TATDN2: variants seen among roughly 807,000 people sequenced by gnomAD.
TATDN2 encodes the protein TatD DNase domain containing 2, also known as 3'-5' RNA nuclease TATDN2.
TATDN2 carries 44 observed loss-of-function variants against 60.3 expected under a neutral mutation model. The ratio of observed to expected loss-of-function variants is 0.73; its 90% CI spans 0.57 to 0.94. The LOEUF (loss-of-function observed/expected upper bound fraction) is 0.94, where lower values mean the gene tolerates loss of function less well. Ranked by LOEUF, TATDN2 falls within the 40% of genes least tolerant of loss-of-function variation. The pLI is 0.00. For missense variants in TATDN2, 997 were observed against 948.0 expected, an observed-to-expected ratio of 1.05 and a Z score of -0.68; for synonymous variants, 399 against 355.8, an observed-to-expected ratio of 1.12 and a Z score of -1.37.
chr3:10,250,324 T>C (rs76595141), intron 2 of TATDN2, among the ~76,000 whole-genome samples: 3,000 of 152,062 alleles, frequency 0.02, 87 homozygotes, highest in African/African-American at 0.068. Context: ...TGAACAAATA[T>C]GTGTTGAGGG....
chr3:10,258,211 TATG>T (rs1392100083), intron 2 of TATDN2, among the ~76,000 whole-genome samples: 1 of 151,916 alleles, frequency 6.6e-6, no homozygotes. Context: ...TAAAAAAAAA[TATG>T]ATGTGCTCTT....
intron 5 of TATDN2, among the ~76,000 whole-genome samples, chr3:10,276,693 A>G (rs964264488): frequency 6.6e-6 from 1 of 152,028 alleles, no homozygotes; most frequent in East Asian, 1.9e-4. Flanking sequence ...GGTTCAAACA[A>G]TTCTCCTGCC....
intron 2 of TATDN2, among the ~76,000 whole-genome samples, chr3:10,251,750 A>G (rs1698235047): frequency 6.6e-6 from 1 of 152,116 alleles, no homozygotes; most frequent in Non-Finnish European, 1.5e-5. Context: ...GCTGAAGTGC[A>G]GTGGCGCAAT....
chr3:10,274,464 T>C (rs1034263909), intron 4 of TATDN2, among the ~76,000 whole-genome samples: 1 of 152,222 alleles, frequency 6.6e-6, no homozygotes, highest in Non-Finnish European at 1.5e-5. Context: ...CAGCTATACT[T>C]TGAAAAATGT....
intron 4 of TATDN2, among the ~76,000 whole-genome samples, chr3:10,274,137 G>GT (rs1698603135): frequency 6.6e-6 from 1 of 152,146 alleles, no homozygotes; most frequent in African/African-American, 2.4e-5. Flanking sequence ...CACTCCTGTT[G>GT]TTTTTCAGCT....
chr3:10,249,253 G>T lies in TATDN2; in HGVS notation c.53G>T (p.Gly18Val), dbSNP rs747970348. The change falls in exon 2 of 8, where the codon GGG becomes GTG. Residue 18 changes from glycine to valine, a missense_variant. Transcript: ENST00000448281. Reference protein sequence around the residue: ...VKHNWSSTSEGCPRKRSCLRE... With the variant: ...VKHNWSSTSEVCPRKRSCLRE... ...CACAACTGGAGCAGCACGTCGGAAGGGTGTCCCCGCAAGCGCAGCTGCCTC... is the reference window on the plus strand; with the variant it reads ...CACAACTGGAGCAGCACGTCGGAAGTGTGTCCCCGCAAGCGCAGCTGCCTC... 8.9e-6 allele frequency: 14 copies of T among 1,568,388 alleles called. No homozygotes were observed. The highest frequency in any genetic ancestry group is 2.7e-5 in the African/African-American group (2 of 73,588).
At chr3:10,256,072 C>G (rs538109686) in intron 2 of TATDN2, among the ~76,000 whole-genome samples, 27 of 152,336 alleles carry the variant, frequency 1.8e-4, no homozygotes, top group Non-Finnish European at 2.6e-4. Flanking sequence ...CTCTAACATA[C>G]ATATTTCACT....
chr3:10,264,809 G>T (rs1698453530), intron 3 of TATDN2, among the ~76,000 whole-genome samples: 2 of 151,740 alleles, frequency 1.3e-5, no homozygotes, highest in African/African-American at 4.8e-5. Flanking sequence ...CCCCTGAATT[G>T]CTGGGACTAT....
intron 5 of TATDN2, among the ~76,000 whole-genome samples, chr3:10,277,177 C>T (rs1245725977): frequency 6.6e-6 from 1 of 152,092 alleles, no homozygotes; most frequent in African/African-American, 2.4e-5. Flanking sequence ...CATTTTCTTT[C>T]CTCTTTTGAA....
rs776045561 is a variant in TATDN2 at position 10,249,200 on chromosome 3, C to T, written c.-1C>T. On this transcript the variant is annotated 5_prime_UTR_variant, in exon 2 of 8. Coordinates refer to ENST00000448281, the MANE Select transcript of TATDN2 (RefSeq NM_014760.4). The stretch of plus-strand genomic sequence containing the variant: ...AGGCCCCCTGTACCTTGCAGGTGCC[C>T]ATGGCGTCCGAGCGGGGCAAGGTCA... 1 of 1,511,252 alleles carries T rather than the reference C, an allele frequency of 6.6e-7. No individual in the cohort carries two copies. Among genetic ancestry groups the T allele is most frequent in the Non-Finnish European group, 8.9e-7 (1 of 1,128,652 alleles). 93.6% of individuals were successfully genotyped at this position (1,511,252 alleles called of 1,614,324 possible). A position where few individuals can be genotyped will look rare whatever the true frequency, so the allele number is the denominator to read the frequency against.
At chr3:10,262,527 C>T (rs1237807133) in intron 3 of TATDN2, among the ~76,000 whole-genome samples, 110 of 59,916 alleles carry the variant, frequency 1.8e-3, no homozygotes, top group Admixed American at 3.4e-3. Context: ...TTCTTCTGGG[C>T]TTTTTTTTTT....
chr3:10,249,015 G>T lies in TATDN2; in HGVS notation c.-59G>T. 1.6e-6 allele frequency: 1 copy of T among 609,450 alleles called. No individual in the cohort carries two copies. Among genetic ancestry groups the T allele is most frequent in the Non-Finnish European group, 2.4e-6 (1 of 410,378 alleles). The allele number at this position is 609,450 out of a possible 1,614,324, so 37.8% of individuals were successfully genotyped here. ...CGCTTTGACTTCTCCAACACGGTTT[G>T]GCATCTCTGAAACCTTGAGAACTGT... On this transcript the variant is annotated 5_prime_UTR_variant, in exon 1 of 8. Coordinates refer to ENST00000448281, the MANE Select transcript of TATDN2 (RefSeq NM_014760.4).
At chr3:10,271,470 C>T (rs767951384) in intron 4 of TATDN2, among the ~76,000 whole-genome samples, 1 of 151,652 alleles carries the variant, frequency 6.6e-6, no homozygotes, top group African/African-American at 2.4e-5. Flanking sequence ...TGCATCACTA[C>T]ACCCGGCTAA....
rs778063949 is a variant in TATDN2 at position 10,249,596 on chromosome 3, G to A, written c.396G>A (p.Glu132=). The change falls in exon 2 of 8, where the codon GAG becomes GAA. Residue 132 remains glutamate (E), a synonymous_variant. Coordinates refer to ENST00000448281, the MANE Select transcript of TATDN2 (RefSeq NM_014760.4). ...TGGAAGAAATGGCTTCTCTAGAGGA[G>A]GAAGCCTGCAGCCTTAAGGTAGGTG... The part of the protein sequence containing the change: ...ASLEEMASLE[E]EACSLKVDSK... 2.1e-5 allele frequency: 32 copies of A among 1,523,402 alleles called. No individual in the cohort carries two copies. The highest frequency in any genetic ancestry group is 2.5e-5 in the Non-Finnish European group (28 of 1,137,286). The allele number at this position is 1,523,402 out of a possible 1,614,324, so 94.4% of individuals were successfully genotyped here.
chr3:10,270,123 T>C lies in TATDN2; in HGVS notation c.949-8T>C, dbSNP rs201336502. The C allele has an allele frequency of 2.5e-6, 4 of 1,604,216 alleles. No homozygotes were observed. Among genetic ancestry groups the C allele is most frequent in the African/African-American group, 1.3e-5 (1 of 74,710 alleles). ...CTAACCCACTGTTGTATGCCTTCTTTTCTGCAGCATAAAGATAGGGAGGTG... is the reference window on the plus strand; with the variant it reads ...CTAACCCACTGTTGTATGCCTTCTTCTCTGCAGCATAAAGATAGGGAGGTG... On this transcript the variant is annotated splice_region_variant and splice_polypyrimidine_tract_variant and intron_variant, in intron 3 of 7. Transcript: ENST00000448281.
chr3:10,270,222 A>T lies in TATDN2; in HGVS notation c.1040A>T (p.Glu347Val). 6.2e-7 allele frequency: 1 copy of T among 1,614,170 alleles called. No homozygotes were observed. The highest frequency in any genetic ancestry group is 8.5e-7 in the Non-Finnish European group (1 of 1,180,022). The change falls in exon 4 of 8, where the codon GAG becomes GTG. Residue 347 changes from glutamate (E) to valine (V), a missense_variant. Physicochemically the swap from Glu to Val is moderately radical, Grantham distance 121. Coordinates refer to ENST00000448281, the MANE Select transcript of TATDN2 (RefSeq NM_014760.4). ...ATCTCCACAGTCAGATTCTCTCAGG[A>T]GGAACCTGTCTCCCTGAAACCTTCA... ...EEISTVRFSQ[E>V]EPVSLKPSAV...
Position 10,270,133 on chromosome 3 carries a change from T to C in TATDN2, c.951T>C (p.His317=), listed in dbSNP as rs1468673617. ...DSDSHLEIQK[H]KDREVVMEHP... is the part of the protein sequence containing the mutation. ...GTTGTATGCCTTCTTTTCTGCAGCATAAAGATAGGGAGGTGGTGATGGAGC... is the reference window on the plus strand; with the variant it reads ...GTTGTATGCCTTCTTTTCTGCAGCACAAAGATAGGGAGGTGGTGATGGAGC... The change falls in exon 4 of 8, where the codon CAT becomes CAC. Residue 317 remains histidine (H), a splice_region_variant and synonymous_variant. Coordinates refer to ENST00000448281, the MANE Select transcript of TATDN2 (RefSeq NM_014760.4). 6.2e-7 allele frequency: 1 copy of C among 1,609,140 alleles called. No individual in the cohort carries two copies. The highest frequency in any genetic ancestry group is 1.1e-5 in the South Asian group (1 of 90,210).
Position 10,278,494 on chromosome 3 carries a change from CGGAG to C in TATDN2, c.2145+37_2145+40del. 1.3e-6 allele frequency: 2 copies of C among 1,563,010 alleles called. No homozygotes were observed. The highest frequency in any genetic ancestry group is 8.8e-7 in the Non-Finnish European group (1 of 1,142,180). On this transcript the variant is annotated intron_variant, in intron 6 of 7. Transcript: ENST00000448281. The surrounding 1 kb of genome is among the most constrained non-coding windows in gnomAD (Gnocchi z 4.7). The stretch of plus-strand genomic sequence containing the variant: ...GGGTCTTCAGGCTGAGTGGAGGCAC[CGGAG>C]GGAGAGGGTGGGGAGGTGGGTGGTC...
intron 5 of TATDN2, 48 bp downstream of exon 5, chr3:10,276,536 T>G: frequency 6.3e-7 from 1 of 1,591,596 alleles, no homozygotes; most frequent in Non-Finnish European, 8.5e-7. Flanking sequence ...ACACTTCCTC[T>G]GTCAAGTTGA....
Sources: allele counts gnomAD v4.1 joint callset (sites outside exome capture counted in the v4.1 genomes callset), GRCh38; gene constraint gnomAD v4.1.1; non-coding constraint Gnocchi (gnomAD v3.1); transcripts MANE v1.5; gene names NCBI Gene and HGNC (gene_info 2026-07-23, HGNC 2026-07-21).